Variants in FRMD4A observed in about 807,000 individuals in gnomAD.
The protein encoded by FRMD4A is FERM domain containing 4A.
A neutral mutation model predicts 129.1 loss-of-function variants in FRMD4A; 29 were observed. The observed-to-expected ratio is 0.22, with a 90% CI of 0.17 to 0.31. FRMD4A has a LOEUF of 0.31. Among genes scored for constraint, FRMD4A ranks in the 10% least tolerant of loss-of-function variants. The pLI, the probability that FRMD4A is intolerant of heterozygous loss-of-function variation, is 1.00. For missense variants in FRMD4A, 1,272 were observed against 1,375.8 expected, an observed-to-expected ratio of 0.92 and a Z score of 1.19; for synonymous variants, 634 against 571.6, an observed-to-expected ratio of 1.11 and a Z score of -1.56.
intron 2 of FRMD4A, among the ~76,000 whole-genome samples, chr10:14,010,699 A>G (rs1373502860): frequency 1.0e-5 from 1 of 96,696 alleles, no homozygotes; most frequent in Non-Finnish European, 2.3e-5. Flanking sequence ...AAATAGAGAC[A>G]GGGTCTCACT....
intron 2 of FRMD4A, among the ~76,000 whole-genome samples, chr10:14,153,697 A>G (rs1022291831): frequency 6.6e-6 from 1 of 152,086 alleles, no homozygotes; most frequent in Non-Finnish European, 1.5e-5. Flanking sequence ...TCCCGTCTCC[A>G]GCTCTGCTCT....
intron 2 of FRMD4A, among the ~76,000 whole-genome samples, chr10:14,297,163 A>T (rs1229112075): frequency 6.6e-6 from 1 of 151,460 alleles, no homozygotes; most frequent in Non-Finnish European, 1.5e-5. Context: ...TAGAAAGTTC[A>T]AGAAGATATA....
At chr10:13,797,315 C>A (rs935190470) in intron 4 of FRMD4A, among the ~76,000 whole-genome samples, 2 of 152,182 alleles carry the variant, frequency 1.3e-5, no homozygotes, top group Non-Finnish European at 2.9e-5. Context: ...GAGTGAAAAG[C>A]AAATCACACA....
chr10:14,254,898 G>A (rs942561934), intron 2 of FRMD4A, among the ~76,000 whole-genome samples: 1 of 152,036 alleles, frequency 6.6e-6, no homozygotes, highest in Non-Finnish European at 1.5e-5. Context: ...TTTCCATAAA[G>A]TCTTCTGAGA....
chr10:13,865,925 C>T (rs753112232), intron 2 of FRMD4A, among the ~76,000 whole-genome samples: 3 of 152,014 alleles, frequency 2.0e-5, no homozygotes, highest in East Asian at 1.9e-4. Context: ...AGGGAAGGTA[C>T]GGTGAGGGAG....
intron 6 of FRMD4A, among the ~76,000 whole-genome samples, chr10:13,772,171 T>C (rs1343818013): frequency 1.5e-5 from 2 of 129,398 alleles, no homozygotes; most frequent in Non-Finnish European, 3.1e-5. Flanking sequence ...ATATAATATA[T>C]TATATTATAT....
intron 2 of FRMD4A, among the ~76,000 whole-genome samples, chr10:14,328,594 T>TAC (rs1247734392): frequency 1.3e-5 from 2 of 151,014 alleles, no homozygotes; most frequent in Admixed American, 6.6e-5. Context: ...TTTATTTCTG[T>TAC]TAGTGTACTA....
At chr10:14,235,655 G>A (rs1010315244) in intron 2 of FRMD4A, among the ~76,000 whole-genome samples, 37 of 152,196 alleles carry the variant, frequency 2.4e-4, no homozygotes, top group African/African-American at 8.0e-4. Context: ...CGGGTTCAGT[G>A]GGTGGGCTTC....
chr10:13,693,986 C>G lies in FRMD4A; in HGVS notation c.1029G>C (p.Glu343Asp). Residue 343 changes from glutamate to aspartate, a missense_variant, in exon 15 of 25, where the codon GAG becomes GAC. Around this residue, in one of 2 missense-constraint regions of FRMD4A, gnomAD observed 300 missense variants for 483.6 expected, o/e 0.62. Coordinates refer to ENST00000357447, the MANE Select transcript of FRMD4A (RefSeq NM_018027.5). ...SLSEIAIDLTETGTLKTSKLA... is the reference protein window; with the variant it reads ...SLSEIAIDLTDTGTLKTSKLA... ...GCTTCGAGGTCTTCAGCGTCCCCGT[C>G]TCGGTCAGGTCGATGGCGATCTCAC... The G allele has an allele frequency of 6.4e-7, 1 of 1,555,054 alleles. No homozygotes were observed. Among genetic ancestry groups the G allele is most frequent in the Non-Finnish European group, 8.6e-7 (1 of 1,156,090 alleles).
intron 2 of FRMD4A, among the ~76,000 whole-genome samples, chr10:14,263,049 T>C (rs891300571): frequency 1.3e-5 from 2 of 152,202 alleles, no homozygotes; most frequent in East Asian, 3.8e-4. Context: ...TCCTTTCCCA[T>C]CCTTGCTCAG....
intron 4 of FRMD4A, among the ~76,000 whole-genome samples, chr10:13,804,555 T>TCC (rs1461884947): frequency 7.8e-6 from 1 of 128,350 alleles, no homozygotes. Context: ...TTATTTCTTT[T>TCC]TTTTGTTGAG....
intron 2 of FRMD4A, among the ~76,000 whole-genome samples, chr10:13,974,067 G>C (rs564611581): frequency 1.1e-3 from 158 of 137,718 alleles, no homozygotes; most frequent in South Asian, 2.1e-3. Flanking sequence ...TTGCTCAGTC[G>C]CCCAGGCTGG....
chr10:14,223,600 G>C (rs1053979943), intron 2 of FRMD4A, among the ~76,000 whole-genome samples: 1 of 152,064 alleles, frequency 6.6e-6, no homozygotes, highest in Non-Finnish European at 1.5e-5. Flanking sequence ...AATTAGCCAG[G>C]CATGGAGGCA....
At chr10:13,669,720 C>T (rs2134709435) in intron 17 of FRMD4A, among the ~76,000 whole-genome samples, 1 of 152,366 alleles carries the variant, frequency 6.6e-6, no homozygotes, top group South Asian at 2.1e-4. Context: ...CCTTTACTTT[C>T]TCTTGGCCTG....
intron 2 of FRMD4A, among the ~76,000 whole-genome samples, chr10:14,079,119 G>A (rs188301298): frequency 3.9e-5 from 6 of 152,344 alleles, no homozygotes; most frequent in African/African-American, 1.4e-4. Flanking sequence ...AGGTGCTTTT[G>A]TGGGCACTGC....
chr10:13,735,318 T>G (rs572529837), intron 12 of FRMD4A, among the ~76,000 whole-genome samples: 1 of 152,372 alleles, frequency 6.6e-6, no homozygotes, highest in East Asian at 1.9e-4. Context: ...CAACCCAGTT[T>G]GGGTTAGAGA....
At chr10:14,297,820 T>C (rs1846057488) in intron 2 of FRMD4A, among the ~76,000 whole-genome samples, 1 of 152,120 alleles carries the variant, frequency 6.6e-6, no homozygotes, top group Non-Finnish European at 1.5e-5. Flanking sequence ...GGCAGAGCCT[T>C]ATGGTGACTG....
intron 2 of FRMD4A, among the ~76,000 whole-genome samples, chr10:14,300,746 C>A (rs759926159): frequency 3.3e-5 from 5 of 152,202 alleles, no homozygotes; most frequent in Non-Finnish European, 7.3e-5. Context: ...AGAAGGGCTT[C>A]TCCTCCAAGG....
intron 22 of FRMD4A, chr10:13,654,891 G>T (rs1166478319): frequency 4.5e-6 from 1 of 224,130 alleles, no homozygotes; most frequent in African/African-American, 2.3e-5. Context: ...GACCTGAGCA[G>T]GGCTCATACA....
Sources: allele counts gnomAD v4.1 joint callset (sites outside exome capture counted in the v4.1 genomes callset), GRCh38; gene constraint gnomAD v4.1.1; regional missense constraint gnomAD v4.1.1; transcripts MANE v1.5; gene names NCBI Gene and HGNC (gene_info 2026-07-23, HGNC 2026-07-21).